Variants in ZNF891 observed in about 807,000 individuals in gnomAD.
ZNF891 encodes the protein zinc finger protein 891, also known as hCG1646157.
For synonymous variants in ZNF891, 199 were observed against 209.0 expected, an observed-to-expected ratio of 0.95 and a Z score of 0.41; for missense variants, 589 against 632.7, an observed-to-expected ratio of 0.93 and a Z score of 0.74.
rs1241187757 is a variant in ZNF891 at position 133,117,636 on chromosome 12, A to T, written c.*2648T>A. 1 of 152,248 alleles carries T rather than the reference A, an allele frequency of 6.6e-6. No individual in the cohort carries two copies. The highest frequency in any genetic ancestry group is 1.5e-5 in the Non-Finnish European group (1 of 68,046). The allele number at this position is 152,248 out of a possible 1,614,324, so 9.4% of individuals were successfully genotyped here. A position where few individuals can be genotyped will look rare whatever the true frequency, so the allele number is the denominator to read the frequency against. On this transcript the variant is annotated 3_prime_UTR_variant, in exon 2 of 2. Coordinates refer to ENST00000537226, the MANE Select transcript of ZNF891 (RefSeq NM_001277291.2). ...GCTGCATATTAAACCTCACCATACT[A>T]CATTCATCACATTAGAATTCAAACA... is the stretch of plus-strand genomic sequence containing the variant.
At position 133,121,846 on chromosome 12, in the gene ZNF891, C is replaced by A; in HGVS notation, c.73G>T (p.Ala25Ser). 1 of 1,536,574 alleles carries A rather than the reference C, an allele frequency of 6.5e-7. No individual in the cohort carries two copies. Among genetic ancestry groups the A allele is most frequent in the Non-Finnish European group, 8.7e-7 (1 of 1,147,000 alleles). ...ACAGCAATCATCCTTTCCTCTTCAG[C>A]ATTTCTCAGATGGAAACAGGCAGAG... ...QDSACFHLRNAEEERMIAVFL... is the reference protein window; with the variant it reads ...QDSACFHLRNSEEERMIAVFL... The change falls in exon 2 of 2, where the codon GCT becomes TCT. Residue 25 changes from alanine to serine, a missense_variant. By Grantham distance (99) the Ala-to-Ser change is moderately conservative. Coordinates refer to ENST00000537226, the MANE Select transcript of ZNF891 (RefSeq NM_001277291.2).
chr12:133,128,730 C>T (rs1003941757), intron 1 of ZNF891, among the ~76,000 whole-genome samples: 1 of 150,106 alleles, frequency 6.7e-6, no homozygotes, highest in Non-Finnish European at 1.5e-5. Flanking sequence ...GTGGTAGAGG[C>T]TACAGTGAGC....
In ZNF891 at chr12:133,122,875, A is replaced by G. The variant is rs143457535; in HGVS notation, c.-106-851T>C. Among the ~76,000 whole-genome samples the G allele has an allele frequency of 8.3e-4, 126 of 152,336 alleles. 1 individual carries two copies. The East Asian group carries it at 0.019, about 23-fold the overall frequency. On this transcript the variant is annotated intron_variant, in intron 1 of 1. Coordinates refer to ENST00000537226, the MANE Select transcript of ZNF891 (RefSeq NM_001277291.2). Reference sequence around the variant, plus strand: ...AGGAAGAACCATGAACTGCATTCCCAAGTTTAGGAGTGAGGCACTAACTAT... The same window carrying G: ...AGGAAGAACCATGAACTGCATTCCCGAGTTTAGGAGTGAGGCACTAACTAT...
In ZNF891 at chr12:133,115,032, A is replaced by G. The variant is rs1955707581; in HGVS notation, c.*5252T>C. 6.6e-6 allele frequency: 1 copy of G among 152,224 alleles called. No individual in the cohort carries two copies. Among genetic ancestry groups the G allele is most frequent in the Admixed American group, 6.5e-5 (1 of 15,286 alleles). 9.4% of individuals were successfully genotyped at this position (152,224 alleles called of 1,614,324 possible). A position where few individuals can be genotyped will look rare whatever the true frequency, so the allele number is the denominator to read the frequency against. ...GGATCAAATACATTATGGTACAAGC[A>G]TATAATCAAATACTAAGCAGCTATT... On this transcript the variant is annotated 3_prime_UTR_variant, in exon 2 of 2. Transcript: ENST00000537226.
rs930993015 is a variant in ZNF891, at chr12:133,113,020, C to T, written c.*7264G>A. ...CTTGCGGTGAGCAGAGATCGTGCCA[C>T]TGCACTACAGCCTGGGCGACAGAGC... On this transcript the variant is annotated 3_prime_UTR_variant, in exon 2 of 2. Coordinates refer to ENST00000537226, the MANE Select transcript of ZNF891 (RefSeq NM_001277291.2). 6.6e-6 allele frequency: 1 copy of T among 150,908 alleles called. No homozygotes were observed. The highest frequency in any genetic ancestry group is 2.1e-4 in the South Asian group (1 of 4,820). 9.3% of individuals were successfully genotyped at this position (150,908 alleles called of 1,614,324 possible). A position where few individuals can be genotyped will look rare whatever the true frequency, so the allele number is the denominator to read the frequency against.
In ZNF891 at chr12:133,114,615, A is replaced by G. The variant is rs1463310674; in HGVS notation, c.*5669T>C. On this transcript the variant is annotated 3_prime_UTR_variant, in exon 2 of 2. Coordinates refer to ENST00000537226, the MANE Select transcript of ZNF891 (RefSeq NM_001277291.2). ...TAATAAAACAATGAAAAATTTAGACAAAGTTCCCACCTTACCAAAACTTAC... is the reference window on the plus strand; with the variant it reads ...TAATAAAACAATGAAAAATTTAGACGAAGTTCCCACCTTACCAAAACTTAC... 2 of 152,404 alleles carry G rather than the reference A, an allele frequency of 1.3e-5. No individual in the cohort carries two copies. Among genetic ancestry groups the G allele is most frequent in the East Asian group, 3.9e-4 (2 of 5,192 alleles). 9.4% of individuals were successfully genotyped at this position (152,404 alleles called of 1,614,324 possible).
At position 133,108,199 on chromosome 12, in the gene ZNF891, T is replaced by A. The variant is rs535926840; in HGVS notation, c.*12085A>T. On this transcript the variant is annotated 3_prime_UTR_variant, in exon 2 of 2. Coordinates refer to ENST00000537226, the MANE Select transcript of ZNF891 (RefSeq NM_001277291.2). ...TACGTATGGGTATCTAATATCTGAT[T>A]TGATTTTCTCAAGCAGCATGCCTTA... is the stretch of plus-strand genomic sequence containing the variant. 1 of 151,636 alleles carries A rather than the reference T, an allele frequency of 6.6e-6. No homozygotes were observed. 9.4% of individuals were successfully genotyped at this position (151,636 alleles called of 1,614,324 possible).
chr12:133,122,221 C>A (rs1955770538), intron 1 of ZNF891, 197 bp from the exon 2 acceptor site: 1 of 1,060,330 alleles, frequency 9.4e-7, no homozygotes, highest in Non-Finnish European at 1.1e-6. Context: ...CATCCTGATT[C>A]TTTGTACTGG....
In ZNF891 at chr12:133,121,198, TTA is replaced by T. The variant is rs1156656597; in HGVS notation, c.719_720del (p.Ile240LysfsTer2). 3.9e-5 allele frequency: 60 copies of T among 1,535,434 alleles called. No homozygotes were observed. In the African/African-American group the frequency reaches 5.6e-4, roughly 14 times the overall value. ...TCATGACTTTCATAGAGCTTCTCAC[TTA>T]TAGAGTTTTTCACATAATTGTTTAT... ...SIINNYVKNSISEKLYESHEC... is the reference protein window; with the variant it reads ...SIINNYVKNSXSEKLYESHEC... On this transcript the variant is annotated frameshift_variant, in exon 2 of 2. Transcript: ENST00000537226. LOFTEE classifies it low-confidence loss of function (END_TRUNC).
Position 133,106,145 on chromosome 12 carries a change from C to T in ZNF891, c.*14139G>A, listed in dbSNP as rs200755363. On this transcript the variant is annotated 3_prime_UTR_variant, in exon 2 of 2. Coordinates refer to ENST00000537226, the MANE Select transcript of ZNF891 (RefSeq NM_001277291.2). ...ATTTAGCAGTGGCTCAGAACTCATTCGCCACCAGATTACACATACTGGAGA... is the reference window on the plus strand; with the variant it reads ...ATTTAGCAGTGGCTCAGAACTCATTTGCCACCAGATTACACATACTGGAGA... 86 of 1,613,944 alleles carry T rather than the reference C, an allele frequency of 5.3e-5. No individual in the cohort carries two copies. Among genetic ancestry groups the T allele is most frequent in the Admixed American group, 3.8e-4 (23 of 59,986 alleles).
In ZNF891 at chr12:133,106,319, C is replaced by T. The variant is rs1482624430; in HGVS notation, c.*13965G>A. On this transcript the variant is annotated 3_prime_UTR_variant, in exon 2 of 2. Coordinates refer to ENST00000537226, the MANE Select transcript of ZNF891 (RefSeq NM_001277291.2). ...TTGTCACTCATTCCTTATTAAACAT[C>T]AGAGAATTCATGCTGGAGAAAAGCT... is the stretch of plus-strand genomic sequence containing the variant. 1 of 1,614,158 alleles carries T rather than the reference C, an allele frequency of 6.2e-7. No individual in the cohort carries two copies. The highest frequency in any genetic ancestry group is 8.5e-7 in the Non-Finnish European group (1 of 1,180,016).
intron 1 of ZNF891, 73 bp downstream of exon 1, chr12:133,130,154 A>G (rs1321528629): frequency 6.6e-6 from 1 of 152,384 alleles, no homozygotes; most frequent in Non-Finnish European, 1.5e-5. Flanking sequence ...TGCACGCAGG[A>G]GAACTCAGCG....
rs748449382 is a variant in ZNF891, at chr12:133,120,420, G to A, written c.1499C>T (p.Ser500Phe). 2.5e-6 allele frequency: 4 copies of A among 1,602,190 alleles called. No individual in the cohort carries two copies. Among genetic ancestry groups the A allele is most frequent in the East Asian group, 4.5e-5 (2 of 44,376 alleles). ...TCTCACATGCCTCCTAAGGGAAGAG[G>A]AAACACTGAAGGCTTTCCTACATTC... ...CKECRKAFSV[S>F]SSLRRHVRIH... The change falls in exon 2 of 2, where the codon TCC becomes TTC. Residue 500 changes from serine to phenylalanine, a missense_variant. Transcript: ENST00000537226.
At position 133,111,374 on chromosome 12, in the gene ZNF891, C is replaced by G. The variant is rs558156305; in HGVS notation, c.*8910G>C. The G allele has an allele frequency of 2.6e-5, 4 of 152,294 alleles. No individual in the cohort carries two copies. Among genetic ancestry groups the G allele is most frequent in the South Asian group, 4.2e-4 (2 of 4,816 alleles). 9.4% of individuals were successfully genotyped at this position (152,294 alleles called of 1,614,324 possible). A position where few individuals can be genotyped will look rare whatever the true frequency, so the allele number is the denominator to read the frequency against. The stretch of plus-strand genomic sequence containing the variant: ...AATTATCCAGGTGTAATAGCACATG[C>G]CTGTGGTCCCCACAACTGAGGAGGC... On this transcript the variant is annotated 3_prime_UTR_variant, in exon 2 of 2. Transcript: ENST00000537226.
chr12:133,123,493 C>T (rs761980495), intron 1 of ZNF891, among the ~76,000 whole-genome samples: 14 of 152,002 alleles, frequency 9.2e-5, no homozygotes, highest in African/African-American at 2.7e-4. Flanking sequence ...GGGAGACCAA[C>T]GCGGAGGACT....
rs1424439223 is a variant in ZNF891 at position 133,110,205 on chromosome 12, T to C, written c.*10079A>G. ...GGATTATAAAATACACCGAAGTAAATAGCACGACAATAGCACAAGAAAGGA... is the reference window on the plus strand; with the variant it reads ...GGATTATAAAATACACCGAAGTAAACAGCACGACAATAGCACAAGAAAGGA... On this transcript the variant is annotated 3_prime_UTR_variant, in exon 2 of 2. Transcript: ENST00000537226. 1.3e-5 allele frequency: 2 copies of C among 152,190 alleles called. No individual in the cohort carries two copies. The highest frequency in any genetic ancestry group is 2.4e-5 in the African/African-American group (1 of 41,454). The allele number at this position is 152,190 out of a possible 1,614,324, so 9.4% of individuals were successfully genotyped here.
chr12:133,111,175 A>G lies in ZNF891; in HGVS notation c.*9109T>C, dbSNP rs1281794406. 3 of 152,162 alleles carry G rather than the reference A, an allele frequency of 2.0e-5. No individual in the cohort carries two copies. Among genetic ancestry groups the G allele is most frequent in the African/African-American group, 4.8e-5 (2 of 41,428 alleles). 9.4% of individuals were successfully genotyped at this position (152,162 alleles called of 1,614,324 possible). A position where few individuals can be genotyped will look rare whatever the true frequency, so the allele number is the denominator to read the frequency against. ...ACATAGAAAAAGTGGCAAAAAGTGTAAAAAATTATCTGGTATGTTAACAAT... is the reference window on the plus strand; with the variant it reads ...ACATAGAAAAAGTGGCAAAAAGTGTGAAAAATTATCTGGTATGTTAACAAT... On this transcript the variant is annotated 3_prime_UTR_variant, in exon 2 of 2. Transcript: ENST00000537226.
At chr12:133,123,518 C>T (rs1200359916) in intron 1 of ZNF891, among the ~76,000 whole-genome samples, 1 of 152,042 alleles carries the variant, frequency 6.6e-6, no homozygotes, top group East Asian at 1.9e-4. Context: ...CCAGACTGGG[C>T]AACATGGTGG....
rs185171124 is a variant in ZNF891 at position 133,111,656 on chromosome 12, C to T, written c.*8628G>A. The T allele has an allele frequency of 6.6e-6, 1 of 152,208 alleles. No individual in the cohort carries two copies. The highest frequency in any genetic ancestry group is 1.5e-5 in the Non-Finnish European group (1 of 68,010). 9.4% of individuals were successfully genotyped at this position (152,208 alleles called of 1,614,324 possible). ...ATCAAAACTCCCATGAAACTGTGCT[C>T]ATAGGTAGAAAATATAATTTTATGT... On this transcript the variant is annotated 3_prime_UTR_variant, in exon 2 of 2. Coordinates refer to ENST00000537226, the MANE Select transcript of ZNF891 (RefSeq NM_001277291.2).
Sources: allele counts gnomAD v4.1 joint callset (sites outside exome capture counted in the v4.1 genomes callset), GRCh38; gene constraint gnomAD v4.1.1; transcripts MANE v1.5; gene names NCBI Gene and HGNC (gene_info 2026-07-23, HGNC 2026-07-21).